The following CEP104 variants were observed in gnomAD, a reference collection of about 807,000 sequenced individuals.
CEP104 encodes centrosomal protein of 104 kDa.
A neutral mutation model predicts 113.3 loss-of-function variants in CEP104; 84 were observed. That is an observed-to-expected ratio of 0.74 (90% confidence interval 0.62 to 0.89). The LOEUF (loss-of-function observed/expected upper bound fraction) is 0.89, where lower values mean the gene tolerates loss of function less well. Among genes scored for constraint, CEP104 ranks in the 40% least tolerant of loss-of-function variants. The pLI is 0.00. For missense variants in CEP104, 1,053 were observed against 1,156.6 expected (o/e 0.91, Z 1.30); for synonymous variants, 378 against 421.7 (o/e 0.90, Z 1.27).
intron 6 of CEP104, among the ~76,000 whole-genome samples, 163 bp downstream of exon 6, chr1:3,844,744 C>T (rs1451363432): frequency 6.9e-6 from 1 of 145,848 alleles, no homozygotes; most frequent in East Asian, 2.0e-4. Flanking sequence ...AATAAAACAG[C>T]GACCTTAATC....
In CEP104 at chr1:3,816,274, C is replaced by G. The variant is rs779880393; in HGVS notation, c.2662+6G>C. ...ACTACACCTGCTCAGCGGCGCTGTC[C>G]CTCACCTGGCTGCAGTGCCGGGGCC... On this transcript the variant is annotated splice_donor_region_variant and intron_variant, in intron 21 of 21. Transcript: ENST00000378230. 6.4e-7 allele frequency: 1 copy of G among 1,550,842 alleles called. No individual in the cohort carries two copies.
Position 3,833,594 on chromosome 1 carries a change from A to G in CEP104, c.1659+268T>C, listed in dbSNP as rs537527689. 3.3e-3 allele frequency: 1,104 copies of G among 339,532 alleles called. 11 individuals carry two copies. The highest frequency in any genetic ancestry group is 0.02 in the African/African-American group (991 of 48,352). 21.0% of individuals were successfully genotyped at this position (339,532 alleles called of 1,614,324 possible). ...CCCTCAGATTTTCTCTTTTGATATC[A>G]TTTTCTGTGTGTTTTTATTTATTTA... On this transcript the variant is annotated intron_variant, in intron 12 of 21. Transcript: ENST00000378230.
At chr1:3,830,650 C>T (rs568891859) in intron 13 of CEP104, among the ~76,000 whole-genome samples, 15 of 152,000 alleles carry the variant, frequency 9.9e-5, no homozygotes, top group African/African-American at 3.6e-4. Context: ...TGGTGGGCAT[C>T]CTGTAGTACC....
chr1:3,833,096 T>G lies in CEP104; in HGVS notation c.1659+766A>C, dbSNP rs570192582. On this transcript the variant is annotated intron_variant, in intron 12 of 21. Transcript: ENST00000378230. ...GCCTCCCGGGTTCGATTCTCCTGCC[T>G]CAGCCTCCCAAGTAGCTGGGACGAC... 2.6e-5 allele frequency among the ~76,000 whole-genome samples: 4 copies of G among 151,732 alleles called. No individual in the cohort carries two copies. In the East Asian group the frequency reaches 7.8e-4, roughly 30 times the overall value.
rs1644528681 is a variant in CEP104, at chr1:3,847,470, C to G, written c.426+5G>C. On this transcript the variant is annotated splice_donor_5th_base_variant and intron_variant, in intron 4 of 21. Coordinates refer to ENST00000378230, the MANE Select transcript of CEP104 (RefSeq NM_014704.4). ...GAATCAAAGGCGAAGCTGCATGCAT[C>G]TTACCTGATTATATATGTTGTATTT... 1.9e-6 allele frequency: 3 copies of G among 1,590,126 alleles called. No homozygotes were observed. Among genetic ancestry groups the G allele is most frequent in the Admixed American group, 3.5e-5 (2 of 56,392 alleles).
intron 10 of CEP104, 139 bp from the exon 11 acceptor site, chr1:3,835,231 CTAA>C (rs1264591480): frequency 5.3e-6 from 3 of 561,360 alleles, no homozygotes; most frequent in African/African-American, 1.9e-5. Flanking sequence ...TGATTCATTT[CTAA>C]TAATAGAACT....
intron 2 of CEP104, among the ~76,000 whole-genome samples, 199 bp from the exon 3 acceptor site, chr1:3,848,980 G>A (rs77854851): frequency 6.6e-6 from 1 of 152,108 alleles, no homozygotes; most frequent in Non-Finnish European, 1.5e-5. Context: ...CTGAAGCTGG[G>A]AATTGAAATT....
intron 10 of CEP104, among the ~76,000 whole-genome samples, chr1:3,835,553 A>G (rs558780517): frequency 6.6e-6 from 1 of 152,242 alleles, no homozygotes; most frequent in South Asian, 2.1e-4. Context: ...TTGTATTTTT[A>G]GTAGAGATGG....
chr1:3,829,927 A>C lies in CEP104; in HGVS notation c.1907T>G (p.Met636Arg). The C allele has an allele frequency of 6.2e-7, 1 of 1,614,190 alleles. No individual in the cohort carries two copies. Among genetic ancestry groups the C allele is most frequent in the Non-Finnish European group, 8.5e-7 (1 of 1,180,042 alleles). The stretch of plus-strand genomic sequence containing the variant: ...GATGGAAGCCTGGTGCTGTCTGTAC[A>C]TGTCCAAAATAATTCGAACCGCCGT... ...RETAVRIILD[M>R]YRQHQASILE... The change falls in exon 14 of 22, where the codon ATG becomes AGG. Residue 636 changes from methionine (M) to arginine (R), a missense_variant. By Grantham distance (91) the Met-to-Arg change is moderately conservative (BLOSUM62 -1). Transcript: ENST00000378230.
At chr1:3,822,915 C>A (rs940502294) in intron 20 of CEP104, 20 of 465,702 alleles carry the variant, frequency 4.3e-5, no homozygotes, top group Non-Finnish European at 7.7e-5. Flanking sequence ...CATGCTGTAT[C>A]CCAGTGACAC....
chr1:3,839,041 T>C lies in CEP104; in HGVS notation c.814A>G (p.Lys272Glu), dbSNP rs1003805167. The C allele has an allele frequency of 3.7e-6, 6 of 1,613,968 alleles. No individual in the cohort carries two copies. Among genetic ancestry groups the C allele is most frequent in the Non-Finnish European group, 5.1e-6 (6 of 1,180,028 alleles). The change falls in exon 8 of 22, where the codon AAG (lysine) becomes GAG (glutamate). Residue 272 changes from lysine to glutamate, a missense_variant. Transcript: ENST00000378230. ...CGATACTGCTCCATCTGCTGCTTCT[T>C]CTCCTTGGCGAGATCGTAGTCTTCC... ...EKEDYDLAKEKKQQMEQYRAE... is the reference protein window; with the variant it reads ...EKEDYDLAKEEKQQMEQYRAE...
At chr1:3,847,832 TTTGTTGTTG>T (rs879805634) in intron 3 of CEP104, 8 of 530,674 alleles carry the variant, frequency 1.5e-5, no homozygotes, top group Admixed American at 7.2e-5. Context: ...GTATTCTTCT[TTTGTTGTTG>T]TTGTTGTTGT....
chr1:3,853,805 C>A (rs1644661010), intron 1 of CEP104, among the ~76,000 whole-genome samples: 1 of 151,964 alleles, frequency 6.6e-6, no homozygotes, highest in Admixed American at 6.6e-5. Context: ...CCCCCCAGAA[C>A]AGGATGAGGC....
rs1644294577 is a variant in CEP104, at chr1:3,835,620, C to G, written c.1318-528G>C. On this transcript the variant is annotated intron_variant, in intron 10 of 21. Coordinates refer to ENST00000378230, the MANE Select transcript of CEP104 (RefSeq NM_014704.4). ...ACTCCTGACCTCGTGATCCACCCGC[C>G]TTGGCCTCCCAAAGTGCTGGGATTA... 2.0e-5 allele frequency among the ~76,000 whole-genome samples: 3 copies of G among 152,236 alleles called. No homozygotes were observed. The South Asian group carries it at 6.2e-4, about 31-fold the overall frequency.
chr1:3,815,867 T>C (rs1339450564), intron 21 of CEP104, among the ~76,000 whole-genome samples: 1 of 152,090 alleles, frequency 6.6e-6, no homozygotes, highest in Non-Finnish European at 1.5e-5. Flanking sequence ...TTTTATAGGG[T>C]TTCACCATGT....
intron 10 of CEP104, 60 bp from the exon 11 acceptor site, chr1:3,835,152 C>A: frequency 1.5e-6 from 2 of 1,309,470 alleles, no homozygotes; most frequent in Non-Finnish European, 2.0e-6. Flanking sequence ...CACTACACAA[C>A]TTGAAGGCTT....
At chr1:3,840,786 C>T (rs954521351) in intron 6 of CEP104, among the ~76,000 whole-genome samples, 11 of 152,202 alleles carry the variant, frequency 7.2e-5, no homozygotes, top group African/African-American at 2.4e-4. Context: ...ATGACCCACC[C>T]ATCTCGGACT....
At chr1:3,834,896 T>TGGAGCC (rs1265211033) in intron 11 of CEP104, 29 bp downstream of exon 11, 1 of 1,557,350 alleles carries the variant, frequency 6.4e-7, no homozygotes, top group East Asian at 2.4e-5. Context: ...CCATGCACGC[T>TGGAGCC]GGAGCCAGCG....
At chr1:3,840,452 G>A (rs1469309431) in intron 6 of CEP104, among the ~76,000 whole-genome samples, 1 of 152,150 alleles carries the variant, frequency 6.6e-6, no homozygotes, top group Non-Finnish European at 1.5e-5. Context: ...TGGCCAGGCT[G>A]GTCTCAAACT....
Sources: gnomAD v4.1 joint callset for allele counts (sites outside exome capture counted in the v4.1 genomes callset) on GRCh38, gnomAD v4.1.1 for gene constraint, MANE v1.5 for transcripts, NCBI Gene and HGNC (gene_info 2026-07-23, HGNC 2026-07-21) for gene names.